Variants in NODAL observed in about 807,000 individuals in gnomAD.
NODAL encodes nodal homolog.
Under a neutral mutation model 34.0 loss-of-function variants are expected in NODAL, and 12 were observed. That is an observed-to-expected ratio of 0.35 (90% CI 0.23 to 0.57). The LOEUF is 0.57. Ranked by LOEUF, NODAL falls within the 20% of genes least tolerant of loss-of-function variation. The pLI is 0.83. For synonymous variants in NODAL, 162 were observed against 186.4 expected, an observed-to-expected ratio of 0.87 and a Z score of 1.07; for missense variants, 390 against 444.2, an observed-to-expected ratio of 0.88 and a Z score of 1.10.
upstream of NODAL, among the ~76,000 whole-genome samples, chr10:70,446,516 T>G (rs1845487593): frequency 6.6e-6 from 1 of 152,164 alleles, no homozygotes. Flanking sequence ...AAGTGTATAG[T>G]GCACGTAGCA....
chr10:70,441,777 A>G (rs941173086), upstream of NODAL: 6 of 1,162,560 alleles, frequency 5.2e-6, no homozygotes, highest in African/African-American at 7.7e-5. Context: ...AGATCATATA[A>G]CCCCCCTCCG....
Position 70,432,566 on chromosome 10 carries a change from C to G in NODAL, c.*370G>C, listed in dbSNP as rs558007894. ...AGCTATAGGTGACTTCATCCCACCT[C>G]CAAAATACATGCACATATGTCTCAA... On this transcript the variant is annotated 3_prime_UTR_variant, in exon 3 of 3. Coordinates refer to ENST00000287139, the MANE Select transcript of NODAL (RefSeq NM_018055.5). 1.6e-4 allele frequency: 56 copies of G among 345,854 alleles called. No individual in the cohort carries two copies. Among genetic ancestry groups the G allele is most frequent in the Non-Finnish European group, 2.7e-4 (47 of 177,194 alleles). The allele number at this position is 345,854 out of a possible 1,614,324, so 21.4% of individuals were successfully genotyped here. A position where few individuals can be genotyped will look rare whatever the true frequency, so the allele number is the denominator to read the frequency against.
chr10:70,438,670 A>C (rs913911036), intron 1 of NODAL, among the ~76,000 whole-genome samples: 1 of 152,332 alleles, frequency 6.6e-6, no homozygotes, highest in Admixed American at 6.5e-5. Context: ...TCCTATGAAC[A>C]GGATGGGCAG....
chr10:70,444,722 C>T (rs553564634), upstream of NODAL, among the ~76,000 whole-genome samples: 1 of 152,164 alleles, frequency 6.6e-6, no homozygotes, highest in Non-Finnish European at 1.5e-5. Context: ...TCCTCATCTG[C>T]AAAACTTGTC....
rs1465158418 is a variant in NODAL, at chr10:70,441,471, C to T, written c.193+4G>A. On this transcript the variant is annotated splice_donor_region_variant and intron_variant, in intron 1 of 2. Coordinates refer to ENST00000287139, the MANE Select transcript of NODAL (RefSeq NM_018055.5). ...AGCAGGGCGCGGCACGCGGCACTGC[C>T]TACCTTCTGCCTGTAGGCTGCGGAT... 3 of 1,575,018 alleles carry T rather than the reference C, an allele frequency of 1.9e-6. No individual in the cohort carries two copies. Among genetic ancestry groups the T allele is most frequent in the East Asian group, 4.7e-5 (2 of 42,302 alleles).
intron 1 of NODAL, among the ~76,000 whole-genome samples, chr10:70,447,466 G>A (rs900936804): frequency 3.5e-4 from 53 of 152,104 alleles, no homozygotes; most frequent in South Asian, 1.7e-3. Context: ...TGGAAGGATC[G>A]ATTGAGACCA....
intron 1 of NODAL, among the ~76,000 whole-genome samples, chr10:70,446,844 T>C (rs1288455121): frequency 1.3e-5 from 2 of 152,112 alleles, no homozygotes; most frequent in Non-Finnish European, 2.9e-5. Context: ...GCATAGCTCC[T>C]GGCACACAGG....
At chr10:70,445,407 C>G (rs2132223038), upstream of NODAL, among the ~76,000 whole-genome samples, 1 of 152,160 alleles carries the variant, frequency 6.6e-6, no homozygotes, top group East Asian at 1.9e-4. Context: ...ACAGGCGCCC[C>G]CCACCACGCC....
chr10:70,435,841 C>A lies in NODAL; in HGVS notation c.336G>T (p.Glu112Asp). ...TGTCGGGCTTTGGCTGGTGGAAAAT[C>A]TCAATGGCAAGTGAGCCCTCAGTGG... ...DLPTEGSLAI[E>D]IFHQPKPDTE... Residue 112 changes from glutamate to aspartate, a missense_variant, in exon 2 of 3, where the codon GAG becomes GAT. Coordinates refer to ENST00000287139, the MANE Select transcript of NODAL (RefSeq NM_018055.5). 6.2e-7 allele frequency: 1 copy of A among 1,614,134 alleles called. No individual in the cohort carries two copies. The highest frequency in any genetic ancestry group is 8.5e-7 in the Non-Finnish European group (1 of 1,180,042).
chr10:70,434,073 A>C (rs1378594521), intron 2 of NODAL, among the ~76,000 whole-genome samples: 4 of 152,168 alleles, frequency 2.6e-5, no homozygotes, highest in South Asian at 2.1e-4. Context: ...CCATGTGCTC[A>C]TGCTCCCCAG....
rs117850587 is a variant in NODAL, at chr10:70,440,253, T to A, written c.193+1222A>T. ...CCATCACCGCACACATCTCGAACTT[T>A]CCAGAAGGGAGTGAACTGGAAAAGC... On this transcript the variant is annotated intron_variant, in intron 1 of 2. Transcript: ENST00000287139. 5.0e-3 allele frequency among the ~76,000 whole-genome samples: 767 copies of A among 152,234 alleles called. 16 individuals are homozygous for A. Among genetic ancestry groups the A allele is most frequent in the East Asian group, 0.033 (173 of 5,174 alleles).
chr10:70,433,020 C>T lies in NODAL; in HGVS notation c.960G>A (p.Pro320=), dbSNP rs959419966. ...STCCAPVKTK[P]LSMLYVDNGR... is the part of the protein sequence containing the mutation. ...CATTATCCACATACAGCATGCTCAG[C>T]GGCTTGGTCTTCACTGGGGCACAAC... The change falls in exon 3 of 3, where the codon CCG becomes CCA. Residue 320 remains proline, a synonymous_variant. Coordinates refer to ENST00000287139, the MANE Select transcript of NODAL (RefSeq NM_018055.5). The T allele has an allele frequency of 1.3e-5, 21 of 1,613,964 alleles. No individual in the cohort carries two copies. The highest frequency in any genetic ancestry group is 1.6e-5 in the Non-Finnish European group (19 of 1,179,992).
At chr10:70,443,589 T>A (rs1465997480), upstream of NODAL, among the ~76,000 whole-genome samples, 1 of 151,972 alleles carries the variant, frequency 6.6e-6, no homozygotes, top group Non-Finnish European at 1.5e-5. Context: ...CCTGTAATCC[T>A]AGCACTTTGG....
Position 70,435,605 on chromosome 10 carries a change from T to C in NODAL, c.572A>G (p.Asn191Ser), listed in dbSNP as rs769362181. The stretch of plus-strand genomic sequence containing the variant: ...GTTGGAGTAGAGCATAAGGAGCACA[T>C]TGGTGGCAGGCGGTGTGGGGGGCCG... ...WPRPPTPPAT[N>S]VLLMLYSNLS... is the part of the protein sequence containing the mutation. Residue 191 changes from asparagine to serine, a missense_variant, in exon 2 of 3, where the codon AAT becomes AGT. Transcript: ENST00000287139. 1.2e-6 allele frequency: 2 copies of C among 1,613,956 alleles called. No individual in the cohort carries two copies. The highest frequency in any genetic ancestry group is 2.7e-5 in the African/African-American group (2 of 75,028).
At chr10:70,434,427 A>T (rs772018528) in intron 2 of NODAL, among the ~76,000 whole-genome samples, 12 of 152,116 alleles carry the variant, frequency 7.9e-5, no homozygotes, top group Non-Finnish European at 1.3e-4. Flanking sequence ...CAATGGCATG[A>T]TCTCGGCTCA....
chr10:70,435,086 C>T (rs1016738040), intron 2 of NODAL, 200 bp downstream of exon 2: 22 of 597,108 alleles, frequency 3.7e-5, no homozygotes, highest in East Asian at 5.6e-5. Context: ...TACCCAGTGA[C>T]GCATGACCCC....
intron 1 of NODAL, among the ~76,000 whole-genome samples, chr10:70,439,878 C>T (rs936566347): frequency 6.6e-6 from 1 of 152,208 alleles, no homozygotes; most frequent in Non-Finnish European, 1.5e-5. Context: ...CGAGACCAGC[C>T]TGGCCAATAT....
chr10:70,435,637 G>C lies in NODAL; in HGVS notation c.540C>G (p.Cys180Trp). The C allele has an allele frequency of 3.7e-6, 6 of 1,614,040 alleles. No homozygotes were observed. The highest frequency in any genetic ancestry group is 5.1e-6 in the Non-Finnish European group (6 of 1,179,974). The change falls in exon 2 of 3, where the codon TGC becomes TGG. Residue 180 changes from cysteine to tryptophan, a missense_variant. By Grantham distance (215) the Cys-to-Trp change is radical (BLOSUM62 -2). Coordinates refer to ENST00000287139, the MANE Select transcript of NODAL (RefSeq NM_018055.5). ...CAGGCGGTGTGGGGGGCCGCGGCCA[G>C]CACTCTCCAGCTACCCTGGACATCT... ...EKQMSRVAGE[C>W]WPRPPTPPAT...
At position 70,435,435 on chromosome 10, in the gene NODAL, G is replaced by C. The variant is rs1023858722; in HGVS notation, c.742C>G (p.Arg248Gly). Residue 248 changes from arginine to glycine, a missense_variant, in exon 2 of 3, where the codon CGG (arginine) becomes GGG (glycine). By Grantham distance (125) the Arg-to-Gly change is moderately radical. Transcript: ENST00000287139. ...HHLPDRSQLCRKVKFQVDFNL... is the reference protein window; with the variant it reads ...HHLPDRSQLCGKVKFQVDFNL... ...AAGTCCACCTGGAACTTGACCTTCC[G>C]ACACAGTTGACTTCTGTCTGGCAAG... 1 of 1,614,170 alleles carries C rather than the reference G, an allele frequency of 6.2e-7. No individual in the cohort carries two copies. The highest frequency in any genetic ancestry group is 1.1e-5 in the South Asian group (1 of 91,074).
Sources: gnomAD v4.1 joint callset for allele counts (sites outside exome capture counted in the v4.1 genomes callset) on GRCh38, gnomAD v4.1.1 for gene constraint, MANE v1.5 for transcripts, NCBI Gene and HGNC (gene_info 2026-07-23, HGNC 2026-07-21) for gene names.